The following KRIT1 variants were observed in gnomAD, a reference collection of about 807,000 sequenced individuals.
KRIT1 encodes the protein KRIT1 ankyrin repeat containing.
A neutral mutation model predicts 95.8 loss-of-function variants in KRIT1; 45 were observed. The ratio of observed to expected loss-of-function variants is 0.47; its 90% CI spans 0.37 to 0.60. KRIT1 has a LOEUF of 0.60. KRIT1 is among the 20% of genes least tolerant of loss of function. KRIT1 has a pLI of 0.00. For missense variants in KRIT1, 788 were observed against 877.5 expected (o/e 0.90, Z 1.29); for synonymous variants, 282 against 278.8 (o/e 1.01, Z -0.11).
intron 17 of KRIT1, chr7:92,204,148 C>T (rs570886080): frequency 6.6e-6 from 1 of 151,846 alleles, no homozygotes; most frequent in African/African-American, 2.4e-5. Flanking sequence ...GTAGTCCCAA[C>T]TACTTGGGAG....
In KRIT1 at chr7:92,239,039, T is replaced by C. The variant is rs192036891; in HGVS notation, c.263-1280A>G. Among the ~76,000 whole-genome samples, 373 of 152,350 alleles carry C rather than the reference T, an allele frequency of 2.4e-3. 2 individuals carry two copies. The highest frequency in any genetic ancestry group is 8.3e-3 in the African/African-American group (346 of 41,586). On this transcript the variant is annotated intron_variant, in intron 5 of 18. Coordinates refer to ENST00000394505, the MANE Select transcript of KRIT1 (RefSeq NM_194454.3). ...ATCTTATTACTTCAAAAATATTTCATAGATTTAGAAAAACAAATAGGATAT... is the reference window on the plus strand; with the variant it reads ...ATCTTATTACTTCAAAAATATTTCACAGATTTAGAAAAACAAATAGGATAT...
Position 92,235,704 on chromosome 7 carries a change from A to G in KRIT1, c.486-58T>C. 1.4e-5 allele frequency: 22 copies of G among 1,546,874 alleles called. No individual in the cohort carries two copies. In the South Asian group the frequency reaches 2.5e-4, roughly 17 times the overall value. ...ATTCGAAAGTGAAGATGAAAAAGAT[A>G]GATTACTATCTAACTCTGATATATG... On this transcript the variant is annotated intron_variant, in intron 7 of 18. Transcript: ENST00000394505.
chr7:92,225,124 G>A lies in KRIT1; in HGVS notation c.1254+596C>T, dbSNP rs138321344. Among the ~76,000 whole-genome samples, 411 of 152,116 alleles carry A rather than the reference G, an allele frequency of 2.7e-3. 3 individuals are homozygous for A. Among genetic ancestry groups the A allele is most frequent in the African/African-American group, 9.6e-3 (397 of 41,488 alleles). On this transcript the variant is annotated intron_variant, in intron 12 of 18. Coordinates refer to ENST00000394505, the MANE Select transcript of KRIT1 (RefSeq NM_194454.3). ...GCTGAGATCGCGCCATTGTATTCCAGCCTGGGTGACAGAGCGAGACTCCAT... is the reference window on the plus strand; with the variant it reads ...GCTGAGATCGCGCCATTGTATTCCAACCTGGGTGACAGAGCGAGACTCCAT...
At chr7:92,200,866 A>G in intron 18 of KRIT1, 62 bp from the exon 19 acceptor site, 1 of 1,150,064 alleles carries the variant, frequency 8.7e-7, no homozygotes. Flanking sequence ...AAGGACATTC[A>G]TGACATTGGG....
intron 13 of KRIT1, 145 bp from the exon 14 acceptor site, chr7:92,222,198 T>A (rs1303803811): frequency 1.1e-5 from 7 of 622,476 alleles, no homozygotes; most frequent in Non-Finnish European, 2.0e-5. Context: ...TTAATCAATA[T>A]GACTACCCAA....
intron 3 of KRIT1, 157 bp from the exon 4 acceptor site, chr7:92,242,294 T>C (rs1374943966): frequency 1.6e-6 from 1 of 609,170 alleles, no homozygotes; most frequent in Non-Finnish European, 2.9e-6. Context: ...TCCTAGAATA[T>C]ACAGTGCCTA....
chr7:92,214,373 A>G (rs1302359334), intron 15 of KRIT1, among the ~76,000 whole-genome samples: 2 of 152,102 alleles, frequency 1.3e-5, no homozygotes, highest in African/African-American at 4.8e-5. Flanking sequence ...TTAAGCATAA[A>G]GAAAGATAAA....
At chr7:92,232,183 C>G (rs1797438732) in intron 10 of KRIT1, among the ~76,000 whole-genome samples, 2 of 152,166 alleles carry the variant, frequency 1.3e-5, no homozygotes, top group Non-Finnish European at 2.9e-5. Flanking sequence ...CCTTCTTGGC[C>G]TTCCAAAGTG....
At chr7:92,206,442 G>A (rs1584742311) in intron 17 of KRIT1, 1 of 152,278 alleles carries the variant, frequency 6.6e-6, no homozygotes, top group South Asian at 2.1e-4. Flanking sequence ...CACAGTCTAA[G>A]CCACTGAGGG....
intron 6 of KRIT1, among the ~76,000 whole-genome samples, chr7:92,236,969 TTAC>T (rs1029267506): frequency 6.6e-6 from 1 of 152,186 alleles, no homozygotes; most frequent in African/African-American, 2.4e-5. Context: ...ATCATCAGTG[TTAC>T]TACTATCTTA....
intron 12 of KRIT1, among the ~76,000 whole-genome samples, chr7:92,224,852 G>A (rs893913645): frequency 4.6e-5 from 7 of 152,072 alleles, no homozygotes; most frequent in Non-Finnish European, 1.0e-4. Flanking sequence ...ATGTGACAAT[G>A]AATAGATTAA....
chr7:92,200,756 G>A lies in KRIT1; in HGVS notation c.2191C>T (p.Pro731Ser). 1 of 1,604,748 alleles carries A rather than the reference G, an allele frequency of 6.2e-7. No homozygotes were observed. The highest frequency in any genetic ancestry group is 1.1e-5 in the South Asian group (1 of 90,880). ...CTCTTTCATGAATTTCTTTCAGTGG[G>A]CATTAACTGTCCATTTAGCTTCATT... The part of the protein sequence containing the change: ...LLMKLNGQLM[P>S]TERNS Residue 731 changes from proline (P) to serine (S), a missense_variant, in exon 19 of 19, where the codon CCC becomes TCC. Around this residue, in one of 3 missense-constraint regions of KRIT1, gnomAD observed 493 missense variants for 582.3 expected, o/e 0.85. Transcript: ENST00000394505.
chr7:92,202,770 C>T (rs1790490960), intron 17 of KRIT1, among the ~76,000 whole-genome samples: 2 of 152,088 alleles, frequency 1.3e-5, no homozygotes, highest in African/African-American at 2.4e-5. Context: ...GAATGAAACA[C>T]AGGTAATTTA....
chr7:92,239,702 A>G (rs1585012527), intron 5 of KRIT1, among the ~76,000 whole-genome samples: 1 of 149,098 alleles, frequency 6.7e-6, no homozygotes, highest in Admixed American at 6.7e-5. Flanking sequence ...GATCATATGC[A>G]GGAACTTTTT....
intron 11 of KRIT1, 110 bp downstream of exon 11, chr7:92,226,416 T>C (rs1266411090): frequency 9.5e-6 from 8 of 846,262 alleles, no homozygotes; most frequent in South Asian, 5.6e-5. Flanking sequence ...GTAATGGAAT[T>C]TATTTTTATT....
At chr7:92,241,282 G>T in intron 4 of KRIT1, 130 bp from the exon 5 acceptor site, 1 of 719,166 alleles carries the variant, frequency 1.4e-6, no homozygotes, top group Non-Finnish European at 2.4e-6. Context: ...TAAAACAATA[G>T]CAATGCCCAG....
intron 5 of KRIT1, among the ~76,000 whole-genome samples, chr7:92,240,132 C>T (rs190591067): frequency 9.9e-5 from 15 of 152,146 alleles, no homozygotes; most frequent in Admixed American, 6.5e-4. Flanking sequence ...TGAATGGTAC[C>T]GCCAAAAGTT....
chr7:92,214,873 A>G (rs781773772), intron 14 of KRIT1, 96 bp from the exon 15 acceptor site: 4 of 835,986 alleles, frequency 4.8e-6, no homozygotes, highest in Non-Finnish European at 7.9e-6. Context: ...ATATTTGTAT[A>G]TAAATGAGCT....
intron 4 of KRIT1, among the ~76,000 whole-genome samples, chr7:92,241,645 T>C (rs980737684): frequency 6.6e-6 from 1 of 152,126 alleles, no homozygotes; most frequent in Non-Finnish European, 1.5e-5. Flanking sequence ...TCTAAAAATT[T>C]AAGGCAAAAA....
Sources: gnomAD v4.1 joint callset for allele counts (sites outside exome capture counted in the v4.1 genomes callset) on GRCh38, gnomAD v4.1.1 for gene constraint, gnomAD v4.1.1 regional missense constraint, MANE v1.5 for transcripts, NCBI Gene and HGNC (gene_info 2026-07-23, HGNC 2026-07-21) for gene names.